Variants in EPHA6 observed in about 807,000 individuals in gnomAD.
EPHA6 encodes ephrin type-A receptor 6.
In EPHA6, 50 loss-of-function variants were observed where a neutral mutation model predicts 112.0. The observed-to-expected ratio is 0.45, with a 90% CI of 0.36 to 0.56. The LOEUF (loss-of-function observed/expected upper bound fraction) is 0.56. Among genes scored for constraint, EPHA6 ranks in the 20% least tolerant of loss-of-function variants. EPHA6 has a pLI of 0.00. For missense variants in EPHA6, 1,280 were observed against 1,417.4 expected (o/e 0.90, Z 1.56); for synonymous variants, 529 against 490.7 (o/e 1.08, Z -1.03).
chr3:97,089,661 T>G (rs542918662), intron 3 of EPHA6, among the ~76,000 whole-genome samples: 1 of 152,166 alleles, frequency 6.6e-6, no homozygotes, highest in Non-Finnish European at 1.5e-5. Context: ...TGTGTATCAG[T>G]AGCTTCAAAT....
chr3:97,357,320 C>T (rs1337729647), intron 5 of EPHA6, among the ~76,000 whole-genome samples: 1 of 152,140 alleles, frequency 6.6e-6, no homozygotes, highest in African/African-American at 2.4e-5. Context: ...GATTCTTGTG[C>T]CTAACCCTCT....
intron 3 of EPHA6, among the ~76,000 whole-genome samples, chr3:97,057,349 C>T (rs1052803623): frequency 3.3e-5 from 5 of 152,206 alleles, no homozygotes; most frequent in African/African-American, 9.6e-5. Flanking sequence ...ACTCATGTAG[C>T]TGCATACAGC....
Position 97,760,476 on chromosome 3 carries a change from T to C in EPHA6, c.*11775T>C, listed in dbSNP as rs1421525233. 5.7e-6 allele frequency: 1 copy of C among 176,244 alleles called. No individual in the cohort carries two copies. Among genetic ancestry groups the C allele is most frequent in the Non-Finnish European group, 1.2e-5 (1 of 81,980 alleles). 10.9% of individuals were successfully genotyped at this position (176,244 alleles called of 1,614,324 possible). On this transcript the variant is annotated 3_prime_UTR_variant, in exon 18 of 18. Transcript: ENST00000389672. ...TTAAAGATGCATTATTATTTGGATT[T>C]GATGTGAAATTAGATTGTGAATAAT...
Position 96,814,771 on chromosome 3 carries a change from C to G in EPHA6, c.148C>G (p.Pro50Ala). The part of the protein sequence containing the change: ...TSRRGRPGTP[P>A]AGRVEEEEEE... ...GCGCAGGGGGCGCCCCGGGACACCC[C>G]CTGCGGGCCGGGTGGAGGAGGAAGA... The change falls in exon 1 of 18, where the codon CCT (proline) becomes GCT (alanine). Residue 50 changes from proline to alanine, a missense_variant. Pro to Ala is a conservative substitution (Grantham distance 27, BLOSUM62 -1). Coordinates refer to ENST00000389672, the MANE Select transcript of EPHA6 (RefSeq NM_001080448.3). 6.2e-7 allele frequency: 1 copy of G among 1,602,844 alleles called. No individual in the cohort carries two copies. Among genetic ancestry groups the G allele is most frequent in the South Asian group, 1.1e-5 (1 of 90,162 alleles).
intron 17 of EPHA6, 48 bp downstream of exon 17, chr3:97,747,620 T>G (rs2035772167): frequency 6.7e-7 from 1 of 1,499,362 alleles, no homozygotes; most frequent in Non-Finnish European, 8.9e-7. Flanking sequence ...CTGCTGGGGA[T>G]TATAAGTTCA....
intron 5 of EPHA6, among the ~76,000 whole-genome samples, chr3:97,370,396 G>T (rs1457499125): frequency 6.6e-6 from 1 of 152,064 alleles, no homozygotes. Context: ...AAAAAGTATG[G>T]CTCAACATGT....
chr3:96,851,294 G>T (rs1179234691), intron 1 of EPHA6, among the ~76,000 whole-genome samples: 1 of 152,138 alleles, frequency 6.6e-6, no homozygotes, highest in Non-Finnish European at 1.5e-5. Flanking sequence ...CAATAATAAA[G>T]AAATGTAAAG....
At chr3:96,914,729 A>G (rs919111175) in intron 2 of EPHA6, among the ~76,000 whole-genome samples, 2 of 152,102 alleles carry the variant, frequency 1.3e-5, no homozygotes, top group Non-Finnish European at 2.9e-5. Flanking sequence ...TGCTAGCAAA[A>G]TTTGAAAATA....
intron 11 of EPHA6, among the ~76,000 whole-genome samples, chr3:97,590,005 C>T (rs1225634901): frequency 1.3e-5 from 2 of 152,100 alleles, no homozygotes; most frequent in Non-Finnish European, 2.9e-5. Context: ...AAACTTAACA[C>T]CTAGTGGATG....
intron 2 of EPHA6, among the ~76,000 whole-genome samples, chr3:96,895,573 A>G (rs62262958): frequency 0.031 from 4,755 of 152,280 alleles, 105 homozygotes; most frequent in Middle Eastern, 0.068. Context: ...TCACTGACTC[A>G]CTCAGAGCAA....
At chr3:97,386,248 A>G (rs1384525037) in intron 5 of EPHA6, among the ~76,000 whole-genome samples, 1 of 152,188 alleles carries the variant, frequency 6.6e-6, no homozygotes. Context: ...AAGATCTGTG[A>G]GCTGATTAAA....
Position 97,628,736 on chromosome 3 carries a change from T to C in EPHA6, c.2575-9137T>C, listed in dbSNP as rs149854409. 2.0e-3 allele frequency among the ~76,000 whole-genome samples: 305 copies of C among 152,162 alleles called. 2 individuals carry two copies. Among genetic ancestry groups the C allele is most frequent in the African/African-American group, 6.9e-3 (285 of 41,546 alleles). On this transcript the variant is annotated intron_variant, in intron 13 of 17. Coordinates refer to ENST00000389672, the MANE Select transcript of EPHA6 (RefSeq NM_001080448.3). Reference sequence around the variant, plus strand: ...TATTTATGTACTCAAATTATAAATCTAGTAAAGATGGCATTTCACCTTATA... The same window carrying C: ...TATTTATGTACTCAAATTATAAATCCAGTAAAGATGGCATTTCACCTTATA...
chr3:96,942,850 G>A (rs760661041), intron 2 of EPHA6, among the ~76,000 whole-genome samples: 1 of 151,984 alleles, frequency 6.6e-6, no homozygotes, highest in Non-Finnish European at 1.5e-5. Flanking sequence ...TACAAACCAG[G>A]GTATTCCAAA....
intron 3 of EPHA6, among the ~76,000 whole-genome samples, chr3:97,028,339 A>C (rs2044712690): frequency 6.6e-6 from 1 of 152,278 alleles, no homozygotes; most frequent in African/African-American, 2.4e-5. Context: ...GGGGAGGATT[A>C]AATGAGACAA....
intron 5 of EPHA6, among the ~76,000 whole-genome samples, chr3:97,371,835 G>A (rs931715752): frequency 2.0e-5 from 3 of 152,056 alleles, no homozygotes; most frequent in Non-Finnish European, 2.9e-5. Context: ...CTCTGGGGAC[G>A]TCTGTCTTTT....
intron 3 of EPHA6, among the ~76,000 whole-genome samples, chr3:97,050,183 G>A (rs1002595660): frequency 3.3e-5 from 5 of 152,102 alleles, no homozygotes; most frequent in Middle Eastern, 3.2e-3. Context: ...GGATCACAGC[G>A]TCTCTGAAAA....
intron 15 of EPHA6, among the ~76,000 whole-genome samples, chr3:97,732,486 C>A (rs764670538): frequency 6.6e-6 from 1 of 151,994 alleles, no homozygotes; most frequent in Non-Finnish European, 1.5e-5. Flanking sequence ...ATCCCTTGAA[C>A]ACAGAATGGT....
intron 2 of EPHA6, among the ~76,000 whole-genome samples, chr3:96,891,127 T>TAG (rs2107540206): frequency 6.6e-6 from 1 of 152,240 alleles, no homozygotes; most frequent in African/African-American, 2.4e-5. Context: ...CTGGCTATTC[T>TAG]ACCTCTAGAT....
At chr3:97,492,625 C>T (rs574179826) in intron 10 of EPHA6, among the ~76,000 whole-genome samples, 4 of 122,050 alleles carry the variant, frequency 3.3e-5, no homozygotes, top group Non-Finnish European at 4.9e-5. Context: ...CAGACTCAAG[C>T]GGGAAGCTAA....
Sources: gnomAD v4.1 joint callset for allele counts (sites outside exome capture counted in the v4.1 genomes callset) on GRCh38, gnomAD v4.1.1 for gene constraint, MANE v1.5 for transcripts, NCBI Gene and HGNC (gene_info 2026-07-23, HGNC 2026-07-21) for gene names.